The following NDST4 variants were observed in gnomAD, a reference collection of about 807,000 sequenced individuals.
NDST4 encodes N-heparan sulfate sulfotransferase 4.
NDST4 carries 63 observed loss-of-function variants against 100.8 expected under a neutral mutation model. The ratio of observed to expected loss-of-function variants is 0.62; its 90% CI spans 0.51 to 0.77. The LOEUF (loss-of-function observed/expected upper bound fraction) is 0.77, where lower values mean the gene tolerates loss of function less well. NDST4 is among the 30% of genes least tolerant of loss of function. The pLI is 0.00. For synonymous variants in NDST4, 377 were observed against 361.8 expected, an observed-to-expected ratio of 1.04 and a Z score of -0.48; for missense variants, 943 against 1,018.4, an observed-to-expected ratio of 0.93 and a Z score of 1.01.
At chr4:115,049,277 TAAAGAG>T (rs1199456508) in intron 2 of NDST4, among the ~76,000 whole-genome samples, 1 of 151,762 alleles carries the variant, frequency 6.6e-6, no homozygotes, top group Non-Finnish European at 1.5e-5. Flanking sequence ...GGGCGATCAT[TAAAGAG>T]AAAGTGGAAA....
intron 6 of NDST4, among the ~76,000 whole-genome samples, chr4:114,914,417 T>C (rs914180034): frequency 6.6e-6 from 1 of 152,104 alleles, no homozygotes; most frequent in Non-Finnish European, 1.5e-5. Flanking sequence ...TGAATCAAAA[T>C]ATCTCATACA....
intron 2 of NDST4, among the ~76,000 whole-genome samples, chr4:115,026,482 A>C (rs1727987799): frequency 6.6e-6 from 1 of 151,764 alleles, no homozygotes; most frequent in Admixed American, 6.6e-5. Context: ...GATTTCTGTG[A>C]AACTCAGATT....
chr4:115,049,928 T>C (rs560926669), intron 2 of NDST4, among the ~76,000 whole-genome samples: 91 of 152,188 alleles, frequency 6.0e-4, no homozygotes, highest in Non-Finnish European at 1.1e-3. Context: ...CTTAGTTCAT[T>C]ACCCTCCTTT....
intron 1 of NDST4, among the ~76,000 whole-genome samples, chr4:115,095,819 C>G (rs1729610227): frequency 6.6e-6 from 1 of 152,080 alleles, no homozygotes; most frequent in African/African-American, 2.4e-5. Flanking sequence ...GCCCCATAGT[C>G]ATATGCTAGG....
chr4:114,905,353 G>C (rs899882300), intron 6 of NDST4, among the ~76,000 whole-genome samples: 1 of 151,356 alleles, frequency 6.6e-6, no homozygotes, highest in South Asian at 2.1e-4. Flanking sequence ...ATGTTAATGG[G>C]GATTTCTTAA....
At chr4:114,866,590 C>A (rs939817545) in intron 7 of NDST4, among the ~76,000 whole-genome samples, 2 of 152,088 alleles carry the variant, frequency 1.3e-5, no homozygotes, top group Non-Finnish European at 2.9e-5. Flanking sequence ...AAGAGAGTGG[C>A]TATTGTACTA....
At chr4:115,004,766 A>G (rs1727377327) in intron 2 of NDST4, among the ~76,000 whole-genome samples, 1 of 152,166 alleles carries the variant, frequency 6.6e-6, no homozygotes, top group Non-Finnish European at 1.5e-5. Context: ...TTAATATTTC[A>G]TCCTTTTCAG....
At chr4:114,911,234 C>T (rs375612405) in intron 6 of NDST4, among the ~76,000 whole-genome samples, 6 of 152,174 alleles carry the variant, frequency 3.9e-5, no homozygotes, top group Admixed American at 1.3e-4. Context: ...TTTCCAACCA[C>T]TTCTTTTGCT....
rs574747413 is a variant in NDST4 at position 114,948,201 on chromosome 4, C to T, written c.1222-10698G>A. Among the ~76,000 whole-genome samples the T allele has an allele frequency of 3.3e-5, 5 of 152,154 alleles. No individual in the cohort carries two copies. The South Asian group carries it at 1.0e-3, about 32-fold the overall frequency. ...AGGCATTTTCCCAACTTAATGTCAG[C>T]TTAACACATTTATGGAAAAATGTTT... On this transcript the variant is annotated intron_variant, in intron 4 of 13. Coordinates refer to ENST00000264363, the MANE Select transcript of NDST4 (RefSeq NM_022569.3).
At chr4:114,829,106 T>G (rs562417095) in intron 13 of NDST4, among the ~76,000 whole-genome samples, 2 of 152,254 alleles carry the variant, frequency 1.3e-5, no homozygotes, top group East Asian at 3.9e-4. Context: ...TCTATTTCCA[T>G]AGTAACCCAT....
intron 6 of NDST4, among the ~76,000 whole-genome samples, chr4:114,877,709 G>A (rs1724284826): frequency 1.3e-5 from 2 of 152,164 alleles, no homozygotes; most frequent in African/African-American, 4.8e-5. Flanking sequence ...AGCACTTTGG[G>A]AGGCTGGGCG....
chr4:114,924,723 A>G (rs1292772226), intron 6 of NDST4, among the ~76,000 whole-genome samples: 1 of 152,154 alleles, frequency 6.6e-6, no homozygotes, highest in Non-Finnish European at 1.5e-5. Flanking sequence ...GACGTTGATT[A>G]ATGGGTACAA....
intron 6 of NDST4, among the ~76,000 whole-genome samples, chr4:114,915,711 C>T (rs1428389515): frequency 2.6e-5 from 4 of 151,930 alleles, no homozygotes; most frequent in Non-Finnish European, 5.9e-5. Context: ...ATTATAAATG[C>T]CATTAAAAGT....
intron 4 of NDST4, 24 bp from the exon 5 acceptor site, chr4:114,937,527 C>T: frequency 6.6e-7 from 1 of 1,518,828 alleles, no homozygotes; most frequent in East Asian, 2.3e-5. Flanking sequence ...AGAACAACAT[C>T]ATGATGGGAC....
At chr4:114,986,832 A>ATATATTTTTTTTTTTT in intron 2 of NDST4, among the ~76,000 whole-genome samples, 5 of 94,654 alleles carry the variant, frequency 5.3e-5, no homozygotes, top group African/African-American at 7.4e-5. Context: ...ATATATATAT[A>ATATATTTTTTTTTTTT]TTTTAATATA....
At chr4:114,834,513 C>CAAA (rs869097688) in intron 11 of NDST4, among the ~76,000 whole-genome samples, 11 of 63,818 alleles carry the variant, frequency 1.7e-4, no homozygotes, top group Admixed American at 1.7e-4. Context: ...GACTCCATCT[C>CAAA]AAAAAAAAAA....
chr4:114,942,993 C>T lies in NDST4; in HGVS notation c.1222-5490G>A, dbSNP rs1278573597. On this transcript the variant is annotated intron_variant, in intron 4 of 13. Coordinates refer to ENST00000264363, the MANE Select transcript of NDST4 (RefSeq NM_022569.3). ...TTTAGATGAGTAGAATTTATATATA[C>T]TGATATATAATATTTACATATATTA... is the stretch of plus-strand genomic sequence containing the variant. Among the ~76,000 whole-genome samples the T allele has an allele frequency of 2.1e-5, 3 of 145,984 alleles. No individual in the cohort carries two copies. The East Asian group carries it at 5.9e-4, about 29-fold the overall frequency.
At chr4:115,025,680 G>A (rs1727968043) in intron 2 of NDST4, among the ~76,000 whole-genome samples, 1 of 152,064 alleles carries the variant, frequency 6.6e-6, no homozygotes, top group African/African-American at 2.4e-5. Flanking sequence ...CTTAAACTCT[G>A]TAGTATATAT....
intron 6 of NDST4, among the ~76,000 whole-genome samples, chr4:114,919,661 T>C (rs1725247901): frequency 6.6e-6 from 1 of 152,182 alleles, no homozygotes; most frequent in Non-Finnish European, 1.5e-5. Context: ...AGTTTGAAGT[T>C]AATTTTAAGA....
Sources: gnomAD v4.1 joint callset for allele counts (sites outside exome capture counted in the v4.1 genomes callset) on GRCh38, gnomAD v4.1.1 for gene constraint, MANE v1.5 for transcripts, NCBI Gene and HGNC (gene_info 2026-07-23, HGNC 2026-07-21) for gene names.